The following DNER variants were observed in gnomAD, a reference collection of about 807,000 sequenced individuals.
DNER encodes the protein delta and Notch-like epidermal growth factor-related receptor.
DNER carries 33 observed loss-of-function variants against 78.2 expected under a neutral mutation model. The observed-to-expected ratio is 0.42, with a 90% CI of 0.32 to 0.56. DNER has a LOEUF of 0.56. Among genes scored for constraint, DNER ranks in the 20% least tolerant of loss-of-function variants. The pLI, the probability that DNER is intolerant of heterozygous loss-of-function variation, is 0.11. For missense variants in DNER, 918 were observed against 975.3 expected, an observed-to-expected ratio of 0.94 and a Z score of 0.78; for synonymous variants, 417 against 384.8, an observed-to-expected ratio of 1.08 and a Z score of -0.98.
At chr2:229,682,704 C>T (rs148547993) in intron 1 of DNER, among the ~76,000 whole-genome samples, 117 of 152,094 alleles carry the variant, frequency 7.7e-4, no homozygotes, top group African/African-American at 2.7e-3. Context: ...AAAAATTAGC[C>T]GGGCGTGGTG....
At chr2:229,461,225 T>C (rs1408105696) in intron 7 of DNER, among the ~76,000 whole-genome samples, 1 of 152,078 alleles carries the variant, frequency 6.6e-6, no homozygotes, top group African/African-American at 2.4e-5. Flanking sequence ...ACATTATATA[T>C]AAAGAGTTTT....
chr2:229,455,184 C>T (rs889818114), intron 7 of DNER, among the ~76,000 whole-genome samples: 3 of 152,078 alleles, frequency 2.0e-5, no homozygotes, highest in African/African-American at 7.3e-5. Flanking sequence ...CTCCTTCAGC[C>T]ACCCTCTAAG....
At chr2:229,387,768 T>C (rs1342769706) in intron 11 of DNER, among the ~76,000 whole-genome samples, 1 of 152,198 alleles carries the variant, frequency 6.6e-6, no homozygotes, top group Admixed American at 6.5e-5. Context: ...GCCTTTCTTT[T>C]AAGCTTGTCT....
At chr2:229,665,082 A>T (rs1023862712) in intron 1 of DNER, among the ~76,000 whole-genome samples, 1 of 152,196 alleles carries the variant, frequency 6.6e-6, no homozygotes, top group Non-Finnish European at 1.5e-5. Flanking sequence ...AGCAATATAA[A>T]CTTCATTAGG....
At chr2:229,421,864 T>C (rs1433781881) in intron 8 of DNER, among the ~76,000 whole-genome samples, 1 of 152,094 alleles carries the variant, frequency 6.6e-6, no homozygotes, top group African/African-American at 2.4e-5. Context: ...ACCATAACCC[T>C]GCATGCATCT....
intron 9 of DNER, among the ~76,000 whole-genome samples, chr2:229,416,659 A>AT (rs768235807): frequency 1.3e-5 from 2 of 152,098 alleles, no homozygotes; most frequent in African/African-American, 4.8e-5. Context: ...AAGCTGAAGG[A>AT]TTTTTTTGGA....
chr2:229,588,155 C>T (rs1440611942), intron 3 of DNER, among the ~76,000 whole-genome samples: 1 of 152,186 alleles, frequency 6.6e-6, no homozygotes, highest in Non-Finnish European at 1.5e-5. Flanking sequence ...TGTCACCTCA[C>T]ACCAGACTCA....
chr2:229,467,737 A>C (rs1317097717), intron 7 of DNER, among the ~76,000 whole-genome samples: 1 of 152,268 alleles, frequency 6.6e-6, no homozygotes, highest in South Asian at 2.1e-4. Context: ...GTTGCATTCA[A>C]GAACCATGAT....
intron 4 of DNER, among the ~76,000 whole-genome samples, chr2:229,547,421 A>G (rs1160491142): frequency 6.6e-6 from 1 of 152,076 alleles, no homozygotes; most frequent in Admixed American, 6.5e-5. Context: ...TTGTCTCTCA[A>G]TCCCATCCCT....
At chr2:229,467,180 G>A (rs1046233845) in intron 7 of DNER, among the ~76,000 whole-genome samples, 2 of 152,080 alleles carry the variant, frequency 1.3e-5, no homozygotes, top group African/African-American at 4.8e-5. Flanking sequence ...GTGAGGAAGG[G>A]ACTCTAAACA....
intron 7 of DNER, among the ~76,000 whole-genome samples, chr2:229,458,130 T>C (rs1694614867): frequency 3.7e-5 from 1 of 27,288 alleles, no homozygotes; most frequent in Non-Finnish European, 5.7e-5. Flanking sequence ...AGCAAGACTC[T>C]ATCTCAAAAA....
intron 7 of DNER, among the ~76,000 whole-genome samples, chr2:229,467,301 G>A (rs1206783176): frequency 6.6e-6 from 1 of 152,178 alleles, no homozygotes; most frequent in African/African-American, 2.4e-5. Flanking sequence ...AGAGGCGTCA[G>A]TATCTATCTT....
At chr2:229,675,062 T>G (rs1699279558) in intron 1 of DNER, among the ~76,000 whole-genome samples, 1 of 152,134 alleles carries the variant, frequency 6.6e-6, no homozygotes. Flanking sequence ...AGGCAGTGTA[T>G]CTGGGGACTG....
rs188122682 is a variant in DNER at position 229,676,049 on chromosome 2, C to T, written c.276+38099G>A. Among the ~76,000 whole-genome samples the T allele has an allele frequency of 2.9e-3, 437 of 152,298 alleles. 1 individual carries two copies. Among genetic ancestry groups the T allele is most frequent in the Non-Finnish European group, 5.1e-3 (349 of 68,024 alleles). ...CACTCTCACAAGTTCTGGAAGGTGG[C>T]CATCCTGTTACACTGTTCCAAGCAC... On this transcript the variant is annotated intron_variant, in intron 1 of 12. Coordinates refer to ENST00000341772, the MANE Select transcript of DNER (RefSeq NM_139072.4).
intron 1 of DNER, among the ~76,000 whole-genome samples, chr2:229,690,789 T>A (rs1699558385): frequency 6.6e-6 from 1 of 152,108 alleles, no homozygotes; most frequent in African/African-American, 2.4e-5. Context: ...TGACAAACAT[T>A]ATGGAAAAAC....
chr2:229,459,909 G>A (rs1694655466), intron 7 of DNER, among the ~76,000 whole-genome samples: 1 of 151,876 alleles, frequency 6.6e-6, no homozygotes, highest in East Asian at 1.9e-4. Context: ...TGTAATCCCA[G>A]CACTTTGGGA....
intron 5 of DNER, among the ~76,000 whole-genome samples, chr2:229,540,871 T>C (rs1476198155): frequency 1.3e-5 from 2 of 152,204 alleles, no homozygotes; most frequent in African/African-American, 2.4e-5. Flanking sequence ...AGATTAAGGA[T>C]GGTGGGTTCC....
intron 1 of DNER, among the ~76,000 whole-genome samples, chr2:229,666,623 T>C (rs960705000): frequency 6.6e-6 from 1 of 152,194 alleles, no homozygotes; most frequent in Non-Finnish European, 1.5e-5. Context: ...AATTTCCACA[T>C]GTATTATTAT....
intron 9 of DNER, among the ~76,000 whole-genome samples, chr2:229,408,785 T>C (rs115707156): frequency 0.012 from 1,827 of 152,314 alleles, 37 homozygotes; most frequent in African/African-American, 0.041. Context: ...AATGACTTAT[T>C]TGAGCCAGGT....
Sources: gnomAD v4.1 joint callset for allele counts (sites outside exome capture counted in the v4.1 genomes callset) on GRCh38, gnomAD v4.1.1 for gene constraint, MANE v1.5 for transcripts, NCBI Gene and HGNC (gene_info 2026-07-23, HGNC 2026-07-21) for gene names.